ZNF831: variants seen among roughly 807,000 people sequenced by gnomAD.
ZNF831 encodes the protein chromosome 20 open reading frame 174.
A neutral mutation model predicts 95.8 loss-of-function variants in ZNF831; 59 were observed. The ratio of observed to expected loss-of-function variants is 0.62; its 90% CI spans 0.50 to 0.77. ZNF831 has a LOEUF of 0.77. Ranked by LOEUF, ZNF831 falls within the 30% of genes least tolerant of loss-of-function variation. The pLI is 0.00. For missense variants in ZNF831, 2,205 were observed against 2,164.0 expected (o/e 1.02, Z -0.38); for synonymous variants, 961 against 925.5 (o/e 1.04, Z -0.70).
chr20:59,176,914 A>G (rs934676292), intron 1 of ZNF831, among the ~76,000 whole-genome samples: 1 of 152,282 alleles, frequency 6.6e-6, no homozygotes, highest in Non-Finnish European at 1.5e-5. Flanking sequence ...GGCAATCACG[A>G]ATCGTGGTGC....
intron 1 of ZNF831, among the ~76,000 whole-genome samples, chr20:59,129,197 C>T (rs545650534): frequency 1.3e-5 from 2 of 152,206 alleles, no homozygotes; most frequent in South Asian, 2.1e-4. Flanking sequence ...TCAGTTTTTG[C>T]ATGCATTTGT....
chr20:59,181,979 T>G lies in ZNF831; in HGVS notation c.-36-9005T>G, dbSNP rs1404108554. ...TGTAGTTCTCCTTGAAGAGGTCCTT[T>G]ATGCCAATCTTATTCTGCATGCCAG... is the stretch of plus-strand genomic sequence containing the variant. On this transcript the variant is annotated intron_variant, in intron 1 of 5. Transcript: ENST00000371030. Among the ~76,000 whole-genome samples, 4 of 152,262 alleles carry G rather than the reference T, an allele frequency of 2.6e-5. No homozygotes were observed. The East Asian group carries it at 7.7e-4, about 29-fold the overall frequency.
chr20:59,171,029 A>G (rs1473956097), intron 1 of ZNF831, among the ~76,000 whole-genome samples: 5 of 151,578 alleles, frequency 3.3e-5, no homozygotes, highest in Non-Finnish European at 7.4e-5. Context: ...ATCCATGTGA[A>G]CCCCCCAGCC....
intron 1 of ZNF831, among the ~76,000 whole-genome samples, chr20:59,176,852 T>A (rs2146508020): frequency 6.6e-6 from 1 of 152,350 alleles, no homozygotes; most frequent in Non-Finnish European, 1.5e-5. Context: ...ATCAATACAA[T>A]ATTCTGAATT....
chr20:59,245,914 T>C (rs1987573918), intron 4 of ZNF831, among the ~76,000 whole-genome samples: 1 of 152,176 alleles, frequency 6.6e-6, no homozygotes, highest in East Asian at 1.9e-4. Flanking sequence ...TTACATATGG[T>C]TTCTGAAGTA....
intron 2 of ZNF831, chr20:59,146,808 G>A (rs1227408598): frequency 6.6e-6 from 1 of 152,236 alleles, no homozygotes; most frequent in African/African-American, 2.4e-5. Context: ...GTAACCAAAA[G>A]CAATCAGACC....
At chr20:59,162,809 GT>G (rs1399259318), upstream of ZNF831, among the ~76,000 whole-genome samples, 1 of 152,144 alleles carries the variant, frequency 6.6e-6, no homozygotes, top group Non-Finnish European at 1.5e-5. Flanking sequence ...TTCTGGAATA[GT>G]TTTTTTCTAA....
chr20:59,158,181 G>A (rs1372881683), intron 2 of ZNF831, among the ~76,000 whole-genome samples: 2 of 152,340 alleles, frequency 1.3e-5, no homozygotes, highest in East Asian at 1.9e-4. Context: ...GATGCAGTGA[G>A]ACTGGCCCGT....
At chr20:59,250,217 G>A (rs890558353) in intron 4 of ZNF831, among the ~76,000 whole-genome samples, 9 of 152,198 alleles carry the variant, frequency 5.9e-5, no homozygotes, top group Non-Finnish European at 1.0e-4. Context: ...GTTCAGCAGG[G>A]GAGTGAGGGG....
intron 4 of ZNF831, among the ~76,000 whole-genome samples, chr20:59,229,216 C>T (rs895945389): frequency 6.6e-6 from 1 of 152,214 alleles, no homozygotes; most frequent in Non-Finnish European, 1.5e-5. Flanking sequence ...CAGGTATGGG[C>T]TCTTAGGTTG....
At chr20:59,138,872 T>G (rs1204129790) in intron 1 of ZNF831, among the ~76,000 whole-genome samples, 1 of 152,238 alleles carries the variant, frequency 6.6e-6, no homozygotes, top group African/African-American at 2.4e-5. Context: ...CTGGCCCTGA[T>G]GGACACAGCC....
intron 4 of ZNF831, among the ~76,000 whole-genome samples, chr20:59,247,995 G>C (rs1032864397): frequency 1.3e-5 from 2 of 152,160 alleles, no homozygotes; most frequent in African/African-American, 4.8e-5. Context: ...ACAGTTTCCT[G>C]TAGCCTTTTC....
chr20:59,239,134 C>A (rs1317140573), intron 4 of ZNF831, among the ~76,000 whole-genome samples: 1 of 152,150 alleles, frequency 6.6e-6, no homozygotes, highest in African/African-American at 2.4e-5. Flanking sequence ...GGGGTACAGG[C>A]CCACTTCCCA....
At chr20:59,162,911 TC>T (rs1049716757), upstream of ZNF831, among the ~76,000 whole-genome samples, 82 of 152,312 alleles carry the variant, frequency 5.4e-4, no homozygotes, top group African/African-American at 1.8e-3. Flanking sequence ...AGTCTTATAA[TC>T]CATGAGCATG....
chr20:59,167,914 A>AT (rs1981412367), intron 1 of ZNF831, among the ~76,000 whole-genome samples: 1 of 149,014 alleles, frequency 6.7e-6, no homozygotes. Context: ...GTGCAGATTG[A>AT]TTTATGTTTT....
chr20:59,151,409 T>C (rs1173559447), intron 2 of ZNF831, among the ~76,000 whole-genome samples: 1 of 152,224 alleles, frequency 6.6e-6, no homozygotes, highest in Non-Finnish European at 1.5e-5. Flanking sequence ...GTGATGCTAC[T>C]GTGAGCGTTG....
rs775399594 is a variant in ZNF831, at chr20:59,254,208, G to T, written c.4499G>T (p.Arg1500Ile). 1 of 1,614,092 alleles carries T rather than the reference G, an allele frequency of 6.2e-7. No individual in the cohort carries two copies. The highest frequency in any genetic ancestry group is 2.2e-5 in the East Asian group (1 of 44,856). The stretch of plus-strand genomic sequence containing the variant: ...GCCGTTTGTATTTCTCTGCCAGTGA[G>T]AACAGATCACATAGCCCAGGAAATT... ...VAAVCISLPV[R>I]TDHIAQEIHS... Residue 1500 changes from arginine (R) to isoleucine (I), a missense_variant, in exon 6 of 6, where the codon AGA (arginine) becomes ATA (isoleucine). By Grantham distance (97) the Arg-to-Ile change is moderately conservative. Coordinates refer to ENST00000371030, the MANE Select transcript of ZNF831 (RefSeq NM_178457.3). This position sits in a 1 kb window ranked among gnomAD's most constrained non-coding sequence, Gnocchi z 4.5.
intron 4 of ZNF831, among the ~76,000 whole-genome samples, chr20:59,222,826 C>T (rs547019203): frequency 6.6e-6 from 1 of 152,306 alleles, no homozygotes; most frequent in East Asian, 1.9e-4. Flanking sequence ...ACACCAGGGA[C>T]CTGGCGGTAC....
chr20:59,244,536 A>G (rs1987498337), intron 4 of ZNF831, among the ~76,000 whole-genome samples: 1 of 152,160 alleles, frequency 6.6e-6, no homozygotes, highest in Admixed American at 6.5e-5. Flanking sequence ...CCAACTGATA[A>G]CGCAATATCA....
Sources: allele counts gnomAD v4.1 joint callset (sites outside exome capture counted in the v4.1 genomes callset), GRCh38; gene constraint gnomAD v4.1.1; non-coding constraint Gnocchi (gnomAD v3.1); transcripts MANE v1.5; gene names NCBI Gene and HGNC (gene_info 2026-07-23, HGNC 2026-07-21).